The following BOLL variants were observed in gnomAD, a reference collection of about 807,000 sequenced individuals.
BOLL encodes the protein boule RNA binding protein.
In BOLL, 23 loss-of-function variants were observed where a neutral mutation model predicts 44.4. That is an observed-to-expected ratio of 0.52 (90% CI 0.37 to 0.73). The LOEUF (loss-of-function observed/expected upper bound fraction) is 0.73. BOLL is among the 30% of genes least tolerant of loss of function. BOLL has a pLI of 0.00. For synonymous variants in BOLL, 97 were observed against 110.8 expected, an observed-to-expected ratio of 0.88 and a Z score of 0.78; for missense variants, 287 against 338.3, an observed-to-expected ratio of 0.85 and a Z score of 1.19.
At position 197,727,590 on chromosome 2, in the gene BOLL, T is replaced by C. The variant is rs372735040; in HGVS notation, c.*965A>G. 1 of 152,360 alleles carries C rather than the reference T, an allele frequency of 6.6e-6. No homozygotes were observed. The highest frequency in any genetic ancestry group is 1.5e-5 in the Non-Finnish European group (1 of 68,032). 9.4% of individuals were successfully genotyped at this position (152,360 alleles called of 1,614,324 possible). A position where few individuals can be genotyped will look rare whatever the true frequency, so the allele number is the denominator to read the frequency against. On this transcript the variant is annotated 3_prime_UTR_variant, in exon 11 of 11. Transcript: ENST00000392296. ...TTTCCTTTGGTGTAAAAAATAGTTTTGCATTTTATGAAAACAATTGTCCTT... is the reference window on the plus strand; with the variant it reads ...TTTCCTTTGGTGTAAAAAATAGTTTCGCATTTTATGAAAACAATTGTCCTT...
chr2:197,769,463 T>G (rs1170981756), intron 6 of BOLL, among the ~76,000 whole-genome samples: 8 of 151,984 alleles, frequency 5.3e-5, no homozygotes, highest in Admixed American at 1.3e-4. Flanking sequence ...CCCTCTCTCT[T>G]CACTCCTATT....
chr2:197,781,883 T>G lies in BOLL; in HGVS notation c.-15-18A>C. ...GATGTTTGCTGTAAAATAAAATTCT[T>G]TTACACTTTTTGCACTGGGTATAAT... On this transcript the variant is annotated intron_variant, in intron 1 of 10. Transcript: ENST00000392296. 2 of 1,573,570 alleles carry G rather than the reference T, an allele frequency of 1.3e-6. No homozygotes were observed. Among genetic ancestry groups the G allele is most frequent in the Non-Finnish European group, 1.7e-6 (2 of 1,152,638 alleles).
chr2:197,747,495 A>C (rs540609130), intron 9 of BOLL, among the ~76,000 whole-genome samples: 2 of 150,618 alleles, frequency 1.3e-5, no homozygotes, highest in East Asian at 4.0e-4. Context: ...AGGCAGGAGA[A>C]TCACTTGAAC....
intron 7 of BOLL, among the ~76,000 whole-genome samples, chr2:197,757,808 T>C (rs927818923): frequency 6.6e-6 from 1 of 152,112 alleles, no homozygotes; most frequent in Non-Finnish European, 1.5e-5. Context: ...TACAACTCAA[T>C]AATCAAAAGA....
intron 7 of BOLL, among the ~76,000 whole-genome samples, chr2:197,759,547 G>A (rs748860647): frequency 7.9e-5 from 12 of 152,074 alleles, no homozygotes; most frequent in Non-Finnish European, 1.6e-4. Context: ...GCTATTGCAC[G>A]TCTCCAGTAC....
At chr2:197,773,287 A>G (rs2106379431) in intron 5 of BOLL, among the ~76,000 whole-genome samples, 1 of 151,964 alleles carries the variant, frequency 6.6e-6, no homozygotes, top group East Asian at 1.9e-4. Context: ...ATTCAAAGAA[A>G]ATGAACCATG....
chr2:197,773,948 C>G, intron 5 of BOLL: 1 of 415,076 alleles, frequency 2.4e-6, no homozygotes. Flanking sequence ...AATGACAGAT[C>G]TAAGAAAAAA....
chr2:197,775,778 G>A (rs1325825009), intron 4 of BOLL, 38 bp from the exon 5 acceptor site: 1 of 1,222,160 alleles, frequency 8.2e-7, no homozygotes, highest in Non-Finnish European at 1.1e-6. Context: ...TATTATTTTA[G>A]CACTATTATT....
At chr2:197,734,691 C>T (rs1014836664) in intron 10 of BOLL, among the ~76,000 whole-genome samples, 1 of 152,140 alleles carries the variant, frequency 6.6e-6, no homozygotes, top group African/African-American at 2.4e-5. Context: ...CCATCATTCT[C>T]AGCAAACTAT....
chr2:197,734,580 G>C (rs779422871), intron 10 of BOLL, among the ~76,000 whole-genome samples: 2 of 152,222 alleles, frequency 1.3e-5, no homozygotes, highest in East Asian at 1.9e-4. Context: ...CAATGATAGA[G>C]TGGATTAAGA....
chr2:197,728,714 T>A, intron 10 of BOLL, 136 bp from the exon 11 acceptor site: 1 of 636,360 alleles, frequency 1.6e-6, no homozygotes, highest in Non-Finnish European at 2.6e-6. Context: ...AATTAGAATG[T>A]TACAAAGTGA....
intron 6 of BOLL, among the ~76,000 whole-genome samples, chr2:197,771,639 G>C (rs1689266541): frequency 6.6e-6 from 1 of 152,006 alleles, no homozygotes; most frequent in Non-Finnish European, 1.5e-5. Context: ...AAGAGGGTAA[G>C]GAAGTGGGGG....
At chr2:197,775,097 C>G (rs1689448210) in intron 5 of BOLL, among the ~76,000 whole-genome samples, 1 of 151,700 alleles carries the variant, frequency 6.6e-6, no homozygotes, top group Non-Finnish European at 1.5e-5. Flanking sequence ...AGATGCCTAA[C>G]TTAATAAGTA....
At chr2:197,754,476 G>A (rs1485422660) in intron 9 of BOLL, among the ~76,000 whole-genome samples, 3 of 152,066 alleles carry the variant, frequency 2.0e-5, no homozygotes, top group African/African-American at 2.4e-5. Flanking sequence ...TTGGGAGGCC[G>A]AGGCAGGTGG....
At chr2:197,774,012 G>A (rs958491098) in intron 5 of BOLL, 9 of 457,864 alleles carry the variant, frequency 2.0e-5, no homozygotes, top group East Asian at 7.3e-5. Context: ...ATTTTTCTTC[G>A]CAGAAAAGTC....
At chr2:197,739,412 C>T (rs908593345) in intron 10 of BOLL, among the ~76,000 whole-genome samples, 5 of 151,988 alleles carry the variant, frequency 3.3e-5, no homozygotes, top group Non-Finnish European at 5.9e-5. Context: ...TAGGGGTGCA[C>T]CACCATGCCC....
intron 10 of BOLL, 115 bp from the exon 11 acceptor site, chr2:197,728,693 GGT>G (rs1277438301): frequency 3.5e-5 from 25 of 711,806 alleles, no homozygotes; most frequent in Non-Finnish European, 5.6e-5. Context: ...GCAGAACCTT[GGT>G]ACCAATTAAA....
At position 197,757,378 on chromosome 2, in the gene BOLL, C is replaced by G; in HGVS notation, c.575G>C (p.Gly192Ala). ...HYQATTQYLP[G>A]QWQWSVPQPS... ...CTGAGGAACACTCCACTGCCACTGT[C>G]CTGGTAAATACTGTGTGGTGGCCTA... is the stretch of plus-strand genomic sequence containing the variant. The change falls in exon 8 of 11, where the codon GGA (glycine) becomes GCA (alanine). Residue 192 changes from glycine (G) to alanine (A), a missense_variant. Coordinates refer to ENST00000392296, the MANE Select transcript of BOLL (RefSeq NM_033030.6). 6.2e-7 allele frequency: 1 copy of G among 1,610,750 alleles called. No individual in the cohort carries two copies. Among genetic ancestry groups the G allele is most frequent in the Non-Finnish European group, 8.5e-7 (1 of 1,178,234 alleles).
At position 197,747,310 on chromosome 2, in the gene BOLL, G is replaced by A. The variant is rs1336284145; in HGVS notation, c.730-4151C>T. On this transcript the variant is annotated intron_variant, in intron 9 of 10. Coordinates refer to ENST00000392296, the MANE Select transcript of BOLL (RefSeq NM_033030.6). ...AAAAAGTAGGTGGGGCAGGCCAGGC[G>A]CAGTGGCTCACGCCTGTAATCTCAG... Among the ~76,000 whole-genome samples the A allele has an allele frequency of 5.3e-5, 8 of 151,930 alleles. No individual in the cohort carries two copies. The East Asian group carries it at 5.8e-4, about 11-fold the overall frequency.
Sources: allele counts gnomAD v4.1 joint callset (sites outside exome capture counted in the v4.1 genomes callset), GRCh38; gene constraint gnomAD v4.1.1; transcripts MANE v1.5; gene names NCBI Gene and HGNC (gene_info 2026-07-23, HGNC 2026-07-21).